Variants in SMYD3 observed in about 807,000 individuals in gnomAD.
SMYD3 encodes histone-lysine N-methyltransferase SMYD3.
SMYD3 carries 36 observed loss-of-function variants against 57.7 expected under a neutral mutation model. The ratio of observed to expected loss-of-function variants is 0.62; its 90% CI spans 0.48 to 0.82. SMYD3 has a LOEUF of 0.82. Ranked by LOEUF, SMYD3 falls within the 40% of genes least tolerant of loss-of-function variation. SMYD3 has a pLI of 0.00. For missense variants in SMYD3, 515 were observed against 538.8 expected (o/e 0.96, Z 0.44); for synonymous variants, 211 against 195.0 (o/e 1.08, Z -0.68).
At chr1:245,997,882 T>C (rs1436920935) in intron 5 of SMYD3, among the ~76,000 whole-genome samples, 1 of 152,208 alleles carries the variant, frequency 6.6e-6, no homozygotes, top group Admixed American at 6.5e-5. Context: ...TACACTTCCC[T>C]GGAGAGATCA....
chr1:245,843,615 C>T (rs2050516884), intron 10 of SMYD3, among the ~76,000 whole-genome samples: 1 of 150,764 alleles, frequency 6.6e-6, no homozygotes, highest in African/African-American at 2.4e-5. Flanking sequence ...AAAGTAACAT[C>T]AGTTGTATTA....
rs181447937 is a variant in SMYD3, at chr1:246,111,010, T to C, written c.532-181073A>G. 2.0e-4 allele frequency among the ~76,000 whole-genome samples: 30 copies of C among 152,204 alleles called. No individual in the cohort carries two copies. In the East Asian group the frequency reaches 4.8e-3, roughly 24 times the overall value. On this transcript the variant is annotated intron_variant, in intron 5 of 11. Coordinates refer to ENST00000490107, the MANE Select transcript of SMYD3 (RefSeq NM_001167740.2). ...TCCATAAGATAACTCACCAAATCCTTGCGCAAAGAGAAACAAATATAAACT... is the reference window on the plus strand; with the variant it reads ...TCCATAAGATAACTCACCAAATCCTCGCGCAAAGAGAAACAAATATAAACT...
chr1:246,068,923 G>A (rs1175910497), intron 5 of SMYD3, among the ~76,000 whole-genome samples: 3 of 152,068 alleles, frequency 2.0e-5, no homozygotes, highest in Non-Finnish European at 2.9e-5. Flanking sequence ...CTGAAAAAGC[G>A]AATGAAAAGC....
chr1:245,951,867 C>T (rs969029743), intron 5 of SMYD3, among the ~76,000 whole-genome samples: 6 of 152,078 alleles, frequency 3.9e-5, no homozygotes, highest in South Asian at 2.1e-4. Context: ...CCACATGATC[C>T]TTTCTTTCCC....
At chr1:246,480,151 A>C (rs566703680) in intron 1 of SMYD3, among the ~76,000 whole-genome samples, 1 of 152,346 alleles carries the variant, frequency 6.6e-6, no homozygotes, top group South Asian at 2.1e-4. Context: ...TAAAGTGTAC[A>C]ATGCAACCAT....
At chr1:246,337,176 GA>G (rs1284092908) in intron 2 of SMYD3, among the ~76,000 whole-genome samples, 1 of 152,178 alleles carries the variant, frequency 6.6e-6, no homozygotes, top group Admixed American at 6.5e-5. Context: ...ATGTGTGTAA[GA>G]GGCCTAAAAT....
chr1:246,296,475 T>C (rs1010625333), intron 5 of SMYD3, among the ~76,000 whole-genome samples: 8 of 152,320 alleles, frequency 5.3e-5, no homozygotes, highest in Non-Finnish European at 7.4e-5. Flanking sequence ...AACTGGCTCT[T>C]GCCTTAACCT....
In SMYD3 at chr1:245,775,873, A is replaced by G. The variant is rs367845745; in HGVS notation, c.1077-11724T>C. 7.9e-5 allele frequency among the ~76,000 whole-genome samples: 12 copies of G among 152,346 alleles called. No individual in the cohort carries two copies. The East Asian group carries it at 1.3e-3, about 17-fold the overall frequency. On this transcript the variant is annotated intron_variant, in intron 10 of 11. Coordinates refer to ENST00000490107, the MANE Select transcript of SMYD3 (RefSeq NM_001167740.2). ...CCAGATCTTCACAAAAGGAATTTCT[A>G]ACATTTTAGTTGAAAGGAAAATCAT...
chr1:246,398,378 C>T (rs553666207), intron 1 of SMYD3, among the ~76,000 whole-genome samples: 2 of 152,220 alleles, frequency 1.3e-5, no homozygotes, highest in Middle Eastern at 3.2e-3. Context: ...AAGGACAGCC[C>T]GCCTGTGAGC....
At chr1:246,145,940 C>G (rs1036920297) in intron 5 of SMYD3, among the ~76,000 whole-genome samples, 9 of 152,210 alleles carry the variant, frequency 5.9e-5, no homozygotes, top group Admixed American at 5.9e-4. Context: ...TATTCCAGGT[C>G]TGTCTGACTT....
chr1:245,928,703 A>G (rs2056543115), intron 6 of SMYD3, among the ~76,000 whole-genome samples: 1 of 152,110 alleles, frequency 6.6e-6, no homozygotes, highest in African/African-American at 2.4e-5. Flanking sequence ...ACATAATGGG[A>G]TGCAGCAGCC....
At chr1:245,817,161 A>AAG (rs2048871154) in intron 10 of SMYD3, among the ~76,000 whole-genome samples, 1 of 150,186 alleles carries the variant, frequency 6.7e-6, no homozygotes, top group Non-Finnish European at 1.5e-5. Context: ...GACAGCTTTG[A>AAG]AGAGAGCAGT....
intron 5 of SMYD3, among the ~76,000 whole-genome samples, chr1:246,086,326 T>G (rs2060720539): frequency 6.6e-6 from 1 of 151,994 alleles, no homozygotes; most frequent in African/African-American, 2.4e-5. Context: ...TGTGATAAAT[T>G]TATAGAACAA....
intron 5 of SMYD3, among the ~76,000 whole-genome samples, chr1:246,222,901 T>C (rs950802826): frequency 6.6e-6 from 1 of 152,190 alleles, no homozygotes; most frequent in East Asian, 1.9e-4. Flanking sequence ...GTATGTGCTC[T>C]AATATTGTAA....
chr1:246,107,252 A>C (rs369007149), intron 5 of SMYD3, among the ~76,000 whole-genome samples: 87 of 151,912 alleles, frequency 5.7e-4, no homozygotes, highest in African/African-American at 2.0e-3. Context: ...GCGCCACTGC[A>C]CTCCAGCCTG....
At chr1:246,027,374 A>G (rs2059593978) in intron 5 of SMYD3, among the ~76,000 whole-genome samples, 1 of 152,222 alleles carries the variant, frequency 6.6e-6, no homozygotes, top group Non-Finnish European at 1.5e-5. Flanking sequence ...TTCCATAACT[A>G]GAGGAGAGGT....
intron 1 of SMYD3, among the ~76,000 whole-genome samples, chr1:246,385,096 C>T (rs1233151436): frequency 1.3e-5 from 2 of 152,156 alleles, no homozygotes; most frequent in Non-Finnish European, 2.9e-5. Flanking sequence ...TAAAATCTTA[C>T]AAGACTAGGT....
chr1:246,077,123 G>C (rs913674122), intron 5 of SMYD3, among the ~76,000 whole-genome samples: 1 of 152,158 alleles, frequency 6.6e-6, no homozygotes, highest in African/African-American at 2.4e-5. Context: ...GAGCATACAG[G>C]CTACACTGGT....
chr1:246,183,788 G>T (rs765797970), intron 5 of SMYD3, among the ~76,000 whole-genome samples: 3 of 152,138 alleles, frequency 2.0e-5, no homozygotes, highest in Non-Finnish European at 4.4e-5. Flanking sequence ...CTACTATTTG[G>T]CTGGCTGTTT....
Sources: gnomAD v4.1 joint callset for allele counts (sites outside exome capture counted in the v4.1 genomes callset) on GRCh38, gnomAD v4.1.1 for gene constraint, MANE v1.5 for transcripts, NCBI Gene and HGNC (gene_info 2026-07-23, HGNC 2026-07-21) for gene names.